MTOR: variants seen among roughly 807,000 people sequenced by gnomAD.
The protein encoded by MTOR is serine/threonine-protein kinase mTOR.
MTOR carries 70 observed loss-of-function variants against 319.8 expected under a neutral mutation model. The ratio of observed to expected loss-of-function variants is 0.22; its 90% CI spans 0.18 to 0.27. The LOEUF is 0.27. Among genes scored for constraint, MTOR ranks in the 10% least tolerant of loss-of-function variants. MTOR has a pLI of 1.00. For missense variants in MTOR, 1,890 were observed against 3,274.4 expected (o/e 0.58, Z 10.32); for synonymous variants, 1,183 against 1,211.4 (o/e 0.98, Z 0.49).
chr1:11,120,109 GCT>G (rs1642434339), intron 49 of MTOR, among the ~76,000 whole-genome samples: 1 of 150,968 alleles, frequency 6.6e-6, no homozygotes, highest in South Asian at 2.1e-4. Flanking sequence ...ACAAGGTCTC[GCT>G]CTGTCACCCA....
chr1:11,241,490 G>C (rs756199446), intron 10 of MTOR, 63 bp downstream of exon 10: 22 of 1,545,852 alleles, frequency 1.4e-5, no homozygotes, highest in Non-Finnish European at 1.9e-5. Flanking sequence ...TCTTTTAACA[G>C]TCCCAACACT....
At position 11,127,233 on chromosome 1, in the gene MTOR, C is replaced by A. The variant is rs1281220720; in HGVS notation, c.6217-89G>T. 1 of 1,560,664 alleles carries A rather than the reference C, an allele frequency of 6.4e-7. No individual in the cohort carries two copies. Among genetic ancestry groups the A allele is most frequent in the Non-Finnish European group, 8.7e-7 (1 of 1,150,154 alleles). On this transcript the variant is annotated intron_variant, in intron 44 of 57. Coordinates refer to ENST00000361445, the MANE Select transcript of MTOR (RefSeq NM_004958.4). The surrounding 1 kb of genome is among the most constrained non-coding windows in gnomAD (Gnocchi z 5.5). ...CCCCAGGCTGACTGCAGATATTCCT[C>A]AGGAGCCCGCTGTGGCCTGAAAACA...
intron 13 of MTOR, among the ~76,000 whole-genome samples, chr1:11,237,393 T>C (rs1009173984): frequency 2.6e-5 from 4 of 152,134 alleles, no homozygotes; most frequent in Non-Finnish European, 5.9e-5. Flanking sequence ...CAATGACTAT[T>C]AGAACAAATA....
At chr1:11,122,733 T>C (rs1202210479) in intron 47 of MTOR, among the ~76,000 whole-genome samples, 1 of 152,038 alleles carries the variant, frequency 6.6e-6, no homozygotes, top group Non-Finnish European at 1.5e-5. Flanking sequence ...GGTCTCGAAC[T>C]CCTGACCTCG....
intron 24 of MTOR, 59 bp from the exon 25 acceptor site, chr1:11,209,517 A>G: frequency 6.3e-7 from 1 of 1,591,696 alleles, no homozygotes; most frequent in Non-Finnish European, 8.6e-7. Context: ...CTGGTTTAGG[A>G]AATATCCTTA....
intron 28 of MTOR, among the ~76,000 whole-genome samples, chr1:11,185,691 G>T (rs1055325560): frequency 1.3e-5 from 2 of 152,168 alleles, no homozygotes; most frequent in African/African-American, 4.8e-5. Flanking sequence ...TTCTTTGATA[G>T]AAGTGGCAAA....
At chr1:11,131,562 C>T (rs1421854042) in intron 38 of MTOR, 1 of 152,296 alleles carries the variant, frequency 6.6e-6, no homozygotes, top group Non-Finnish European at 1.5e-5. Flanking sequence ...GAGAAAGAAT[C>T]TCACCCATCT....
Position 11,204,721 on chromosome 1 carries a change from A to G in MTOR, c.3802-18T>C, listed in dbSNP as rs1646083333. ...CCCCAGGCCTGTGATCCCACAGGTG[A>G]CAATGGAAAACAATCAGTTTCAAGG... On this transcript the variant is annotated intron_variant, in intron 25 of 57. Transcript: ENST00000361445. The G allele has an allele frequency of 2.5e-6, 4 of 1,607,920 alleles. No individual in the cohort carries two copies. Among genetic ancestry groups the G allele is most frequent in the African/African-American group, 2.7e-5 (2 of 74,776 alleles).
chr1:11,150,408 T>A lies in MTOR; in HGVS notation c.4470-182A>T, dbSNP rs188280593. Among the ~76,000 whole-genome samples the A allele has an allele frequency of 3.9e-5, 6 of 152,286 alleles. No homozygotes were observed. The East Asian group carries it at 1.2e-3, about 29-fold the overall frequency. Reference sequence around the variant, plus strand: ...GCTATTTGTTGTTTCTATGACCCGGTGCTCGTAATTTTTCTGGGTGAGTTT... The same window carrying A: ...GCTATTTGTTGTTTCTATGACCCGGAGCTCGTAATTTTTCTGGGTGAGTTT... On this transcript the variant is annotated intron_variant, in intron 30 of 57. Coordinates refer to ENST00000361445, the MANE Select transcript of MTOR (RefSeq NM_004958.4).
Position 11,128,629 on chromosome 1 carries a change from C to G in MTOR, c.5812-77G>C. On this transcript the variant is annotated intron_variant, in intron 41 of 57. Coordinates refer to ENST00000361445, the MANE Select transcript of MTOR (RefSeq NM_004958.4). This position sits in a 1 kb window ranked among gnomAD's most constrained non-coding sequence, Gnocchi z 5.3. Reference sequence around the variant, plus strand: ...TTATTCTTCTAGGCAAAGATCAATTCTTTTAACTTGTTTCGGTTGATGCTC... The same window carrying G: ...TTATTCTTCTAGGCAAAGATCAATTGTTTTAACTTGTTTCGGTTGATGCTC... 2 of 1,415,104 alleles carry G rather than the reference C, an allele frequency of 1.4e-6. No individual in the cohort carries two copies. The highest frequency in any genetic ancestry group is 2.0e-6 in the Non-Finnish European group (2 of 1,004,606). The allele number at this position is 1,415,104 out of a possible 1,614,324, so 87.7% of individuals were successfully genotyped here. A position where few individuals can be genotyped will look rare whatever the true frequency, so the allele number is the denominator to read the frequency against.
chr1:11,156,641 C>A (rs978664130), intron 30 of MTOR, among the ~76,000 whole-genome samples: 1 of 152,136 alleles, frequency 6.6e-6, no homozygotes, highest in Admixed American at 6.6e-5. Flanking sequence ...CTATAATAAC[C>A]CTCTGTTTAC....
chr1:11,120,094 T>C (rs28729193), intron 49 of MTOR, among the ~76,000 whole-genome samples: 42,023 of 150,878 alleles, frequency 0.28, 6,573 homozygotes, highest in African/African-American at 0.43. Flanking sequence ...TAAAATTGCT[T>C]TGAGACAAGG....
intron 6 of MTOR, among the ~76,000 whole-genome samples, chr1:11,249,781 A>G (rs1437102270): frequency 6.8e-6 from 1 of 147,432 alleles, no homozygotes; most frequent in East Asian, 2.0e-4. Context: ...AATTTTTCTT[A>G]GTACAGAACA....
At chr1:11,150,072 C>G in intron 31 of MTOR, 54 bp downstream of exon 31, 1 of 1,510,138 alleles carries the variant, frequency 6.6e-7, no homozygotes, top group Non-Finnish European at 9.2e-7. Flanking sequence ...CTGATGCGAG[C>G]CCCTAGCCTC....
At chr1:11,120,519 G>GAAA (rs200705080) in intron 49 of MTOR, among the ~76,000 whole-genome samples, 5 of 148,704 alleles carry the variant, frequency 3.4e-5, no homozygotes, top group African/African-American at 5.0e-5. Flanking sequence ...GCCTGGGCGG[G>GAAA]GAAAAAAAAA....
chr1:11,137,207 C>T (rs565331901), intron 36 of MTOR, among the ~76,000 whole-genome samples: 1 of 135,746 alleles, frequency 7.4e-6, no homozygotes, highest in Non-Finnish European at 1.6e-5. Context: ...AAAACTCAAT[C>T]GCCAAAAAGG....
intron 19 of MTOR, among the ~76,000 whole-genome samples, chr1:11,219,536 A>G (rs943820661): frequency 6.6e-6 from 1 of 152,194 alleles, no homozygotes; most frequent in Non-Finnish European, 1.5e-5. Flanking sequence ...AATTTAGAGC[A>G]GATTTTCTAG....
chr1:11,217,721 A>G (rs1014358497), intron 19 of MTOR, among the ~76,000 whole-genome samples: 2 of 151,366 alleles, frequency 1.3e-5, no homozygotes, highest in Non-Finnish European at 2.9e-5. Flanking sequence ...CCCTTCCCCA[A>G]ATTTTTACAG....
intron 26 of MTOR, among the ~76,000 whole-genome samples, chr1:11,202,458 CAA>C (rs1646005507): frequency 7.9e-6 from 1 of 126,804 alleles, no homozygotes; most frequent in African/African-American, 2.8e-5. Context: ...CTATTTAAAA[CAA>C]TATTTTTTTT....
Sources: allele counts gnomAD v4.1 joint callset (sites outside exome capture counted in the v4.1 genomes callset), GRCh38; gene constraint gnomAD v4.1.1; non-coding constraint Gnocchi (gnomAD v3.1); transcripts MANE v1.5; gene names NCBI Gene and HGNC (gene_info 2026-07-23, HGNC 2026-07-21).